ACIN1: variants seen among roughly 807,000 people sequenced by gnomAD.
The protein encoded by ACIN1 is apoptotic chromatin condensation inducer 1, also known as apoptotic chromatin condensation inducer in the nucleus.
In ACIN1, 16 loss-of-function variants were observed where a neutral mutation model predicts 146.6. The ratio of observed to expected loss-of-function variants is 0.11; its 90% CI spans 0.07 to 0.17. The LOEUF is 0.17. Among genes scored for constraint, ACIN1 ranks in the 10% least tolerant of loss-of-function variants. ACIN1 has a pLI of 1.00. For missense variants in ACIN1, 1,357 were observed against 1,609.3 expected, an observed-to-expected ratio of 0.84 and a Z score of 2.68; for synonymous variants, 569 against 582.7, an observed-to-expected ratio of 0.98 and a Z score of 0.34.
chr14:23,090,447 T>G (rs542399813), intron 3 of ACIN1, 75 bp downstream of exon 3: 1 of 1,302,872 alleles, frequency 7.7e-7, no homozygotes, highest in South Asian at 1.3e-5. Flanking sequence ...AATTGTCTAG[T>G]TAGACAGGCC....
rs748499045 is a variant in ACIN1, at chr14:23,078,167, T to C, written c.2107A>G (p.Arg703Gly). The C allele has an allele frequency of 1.2e-6, 2 of 1,614,218 alleles. No homozygotes were observed. Among genetic ancestry groups the C allele is most frequent in the South Asian group, 2.2e-5 (2 of 91,086 alleles). The change falls in exon 8 of 19, where the codon AGA (arginine) becomes GGA (glycine). Residue 703 changes from arginine (R) to glycine (G), a missense_variant. Physicochemically the swap from Arg to Gly is moderately radical, Grantham distance 125. Transcript: ENST00000605057. The part of the protein sequence containing the change: ...TQTSHLPESE[R>G]IHHTVEEKEE... ...ATCACTTACACAGTGTGATGAATTC[T>C]TTCTGATTCTGGCAGATGAGAGGTC... is the stretch of plus-strand genomic sequence containing the variant.
chr14:23,065,859 G>T, intron 10 of ACIN1, 107 bp downstream of exon 10: 2 of 1,012,560 alleles, frequency 2.0e-6, no homozygotes, highest in Admixed American at 1.8e-5. Context: ...GGGTGGGGCA[G>T]GAGGGAGTGA....
intron 8 of ACIN1, chr14:23,071,709 T>C (rs754999991): frequency 5.3e-5 from 39 of 730,504 alleles, no homozygotes; most frequent in Middle Eastern, 8.1e-4. Context: ...AGGCCTGGCC[T>C]TCTTTTCTCA....
intron 2 of ACIN1, among the ~76,000 whole-genome samples, chr14:23,091,606 C>G (rs2048230089): frequency 6.7e-6 from 1 of 149,698 alleles, no homozygotes; most frequent in Non-Finnish European, 1.5e-5. Context: ...AAAAGATCAA[C>G]CGTTACCTAT....
chr14:23,082,485 A>G lies in ACIN1; in HGVS notation c.437-649T>C, dbSNP rs144271331. On this transcript the variant is annotated intron_variant, in intron 4 of 18. Coordinates refer to ENST00000605057, the MANE Select transcript of ACIN1 (RefSeq NM_001386863.1). ...TTCTGAGATGGAGTCTCACTCTGTC[A>G]CCCAGGCTGGATGCAGTGGTGCAAT... 3.7e-3 allele frequency among the ~76,000 whole-genome samples: 473 copies of G among 126,760 alleles called. 20 individuals carry two copies. In the East Asian group the frequency reaches 0.07, roughly 19 times the overall value. 83.2% of individuals were successfully genotyped at this position (126,760 alleles called of 152,430 possible).
chr14:23,077,218 A>G (rs953609132), intron 8 of ACIN1, among the ~76,000 whole-genome samples: 1 of 152,252 alleles, frequency 6.6e-6, no homozygotes, highest in African/African-American at 2.4e-5. Context: ...TGAAGCTCTC[A>G]GAAGAGTATA....
intron 4 of ACIN1, among the ~76,000 whole-genome samples, chr14:23,083,026 A>T (rs1325757283): frequency 6.7e-6 from 1 of 150,070 alleles, no homozygotes; most frequent in Non-Finnish European, 1.5e-5. Context: ...GGCGTGAGTC[A>T]CCGCACCCGG....
chr14:23,094,429 G>A, intron 1 of ACIN1: 1 of 977,500 alleles, frequency 1.0e-6, no homozygotes, highest in Non-Finnish European at 1.2e-6. Context: ...GCCACTAGAT[G>A]CCACTAAATT....
At chr14:23,072,098 A>G (rs1687064424) in intron 8 of ACIN1, among the ~76,000 whole-genome samples, 1 of 152,180 alleles carries the variant, frequency 6.6e-6, no homozygotes, top group Non-Finnish European at 1.5e-5. Context: ...GTCACTATCC[A>G]ATCACTACAG....
At chr14:23,060,482 A>T (rs1419105648) in intron 18 of ACIN1, among the ~76,000 whole-genome samples, 3 of 151,904 alleles carry the variant, frequency 2.0e-5, no homozygotes, top group Non-Finnish European at 4.4e-5. Context: ...ATAAAACACG[A>T]TTTCTCAGCT....
chr14:23,067,178 C>A lies in ACIN1; in HGVS notation c.2266-1170G>T. 1.5e-6 allele frequency: 1 copy of A among 658,164 alleles called. No homozygotes were observed. Among genetic ancestry groups the A allele is most frequent in the Non-Finnish European group, 1.9e-6 (1 of 534,272 alleles). The allele number at this position is 658,164 out of a possible 1,614,324, so 40.8% of individuals were successfully genotyped here. ...TTAATTAAAACAGGAAAAACATGAA[C>A]CAAATAAATAAATAAAAGAAATCAG... On this transcript the variant is annotated intron_variant, in intron 9 of 18. Coordinates refer to ENST00000605057, the MANE Select transcript of ACIN1 (RefSeq NM_001386863.1). The surrounding 1 kb of genome is among the most constrained non-coding windows in gnomAD (Gnocchi z 4.6).
At chr14:23,095,496 C>G, upstream of ACIN1, 2 of 646,824 alleles carry the variant, frequency 3.1e-6, no homozygotes, top group Non-Finnish European at 5.0e-6. Context: ...GGTCCGAGGC[C>G]GGAAGTGCGT....
In ACIN1 at chr14:23,080,795, T is replaced by G. The variant is rs777032498; in HGVS notation, c.540A>C (p.Lys180Asn). The change falls in exon 6 of 19, where the codon AAA becomes AAC. Residue 180 changes from lysine to asparagine, a missense_variant. Lys to Asn is a moderately conservative substitution (Grantham distance 94). Transcript: ENST00000605057. ...CAGCAGGTTGGCTGCCCTCAGACAGTTTAGCTGCTCTTGCCTGAAAGAACA... is the reference window on the plus strand; with the variant it reads ...CAGCAGGTTGGCTGCCCTCAGACAGGTTAGCTGCTCTTGCCTGAAAGAACA... ...SSRVRQARAA[K>N]LSEGSQPAEE... 1 of 1,602,760 alleles carries G rather than the reference T, an allele frequency of 6.2e-7. No homozygotes were observed. Among genetic ancestry groups the G allele is most frequent in the Admixed American group, 1.7e-5 (1 of 59,114 alleles).
At position 23,079,000 on chromosome 14, in the gene ACIN1, G is replaced by A; in HGVS notation, c.1827C>T (p.Ser609=). Residue 609 remains serine, a synonymous_variant, in exon 7 of 19, where the codon AGC becomes AGT. Coordinates refer to ENST00000605057, the MANE Select transcript of ACIN1 (RefSeq NM_001386863.1). ...AAGAGGGATCTTTGGTTTCAGTATA[G>A]CTGGTGCTGCTGTCCCTGGAGACTC... ...SPGVSRDSST[S]YTETKDPSSG... 6.2e-7 allele frequency: 1 copy of A among 1,614,184 alleles called. No homozygotes were observed. The highest frequency in any genetic ancestry group is 8.5e-7 in the Non-Finnish European group (1 of 1,180,018).
intron 2 of ACIN1, among the ~76,000 whole-genome samples, chr14:23,092,286 A>G (rs914053280): frequency 6.6e-6 from 1 of 152,232 alleles, no homozygotes; most frequent in Non-Finnish European, 1.5e-5. Flanking sequence ...ATTTTCACCT[A>G]AAGTAGAAAT....
chr14:23,075,562 G>C (rs1218086163), intron 8 of ACIN1, among the ~76,000 whole-genome samples: 1 of 151,190 alleles, frequency 6.6e-6, no homozygotes, highest in Non-Finnish European at 1.5e-5. Context: ...ACAGCAAAAA[G>C]TCAGTCAATC....
chr14:23,090,446 G>T, intron 3 of ACIN1, 76 bp downstream of exon 3: 2 of 1,299,442 alleles, frequency 1.5e-6, no homozygotes, highest in Non-Finnish European at 2.2e-6. Context: ...AAATTGTCTA[G>T]TTAGACAGGC....
rs766003671 is a variant in ACIN1, at chr14:23,062,892, A to T, written c.2883+37T>A. ...ATAAGCCTAAAGCTCAAACTTAACC[A>T]CTAAGCAAGCTGGGATGGTGAGAAA... On this transcript the variant is annotated intron_variant, in intron 14 of 18. Transcript: ENST00000605057. 4.4e-6 allele frequency: 7 copies of T among 1,575,696 alleles called. No homozygotes were observed. In the East Asian group the frequency reaches 1.6e-4, roughly 35 times the overall value.
upstream of ACIN1, chr14:23,095,381 C>G (rs2140270868): frequency 7.0e-7 from 1 of 1,436,352 alleles, no homozygotes; most frequent in Non-Finnish European, 9.4e-7. Flanking sequence ...AGCTTTGAAT[C>G]GAATATATTC....
Sources: allele counts gnomAD v4.1 joint callset (sites outside exome capture counted in the v4.1 genomes callset), GRCh38; gene constraint gnomAD v4.1.1; non-coding constraint Gnocchi (gnomAD v3.1); transcripts MANE v1.5; gene names NCBI Gene and HGNC (gene_info 2026-07-23, HGNC 2026-07-21).